Variants in GALNT10 observed in about 807,000 individuals in gnomAD.
GALNT10 encodes polypeptide N-acetylgalactosaminyltransferase 10.
In GALNT10, 41 loss-of-function variants were observed where a neutral mutation model predicts 75.0. The observed-to-expected ratio is 0.55, with a 90% confidence interval of 0.43 to 0.71. GALNT10 has a LOEUF of 0.71. GALNT10 is among the 30% of genes least tolerant of loss of function. The pLI is 0.00. For synonymous variants in GALNT10, 302 were observed against 313.0 expected, an observed-to-expected ratio of 0.96 and a Z score of 0.37; for missense variants, 727 against 818.5, an observed-to-expected ratio of 0.89 and a Z score of 1.36.
chr5:154,263,442 T>C (rs959286918), intron 1 of GALNT10, among the ~76,000 whole-genome samples: 1 of 152,148 alleles, frequency 6.6e-6, no homozygotes, highest in Non-Finnish European at 1.5e-5. Context: ...ATATCCAGAA[T>C]AGGCAAATCC....
intron 4 of GALNT10, among the ~76,000 whole-genome samples, chr5:154,341,131 T>C (rs558448240): frequency 1.3e-3 from 199 of 152,064 alleles, no homozygotes; most frequent in African/African-American, 4.6e-3. Flanking sequence ...TAACATCCCT[T>C]CCTCTCGTGT....
rs2113209255 is a variant in GALNT10, at chr5:154,402,115, G to A, written c.1057-1989G>A. 6.6e-6 allele frequency among the ~76,000 whole-genome samples: 1 copy of A among 152,274 alleles called. No homozygotes were observed. Among genetic ancestry groups the A allele is most frequent in the East Asian group, 1.9e-4 (1 of 5,166 alleles). On this transcript the variant is annotated intron_variant, in intron 7 of 11. Transcript: ENST00000297107. This position sits in a 1 kb window ranked among gnomAD's most constrained non-coding sequence, Gnocchi z 4.2. ...CCACCCCACTGGCAGAGTCATCTTT[G>A]TAAGATGTAAGTGGATTGTGTGTCT...
At chr5:154,309,133 T>C (rs1754475148) in intron 3 of GALNT10, among the ~76,000 whole-genome samples, 1 of 152,180 alleles carries the variant, frequency 6.6e-6, no homozygotes, top group Non-Finnish European at 1.5e-5. Flanking sequence ...TCAGATAAGA[T>C]GGCATATGAA....
intron 7 of GALNT10, chr5:154,389,698 T>G (rs963066167): frequency 6.6e-6 from 1 of 152,076 alleles, no homozygotes; most frequent in East Asian, 1.9e-4. Context: ...CAATAAATTC[T>G]AGTCCAACAT....
rs556215884 is a variant in GALNT10 at position 154,239,234 on chromosome 5, T to G, written c.159+48209T>G. 1.2e-3 allele frequency among the ~76,000 whole-genome samples: 177 copies of G among 152,356 alleles called. 1 individual carries two copies. The highest frequency in any genetic ancestry group is 6.8e-3 in the Middle Eastern group (2 of 294). ...TATAGTAGGGCTGGCTCAGGAGTCC[T>G]CTGCTGCCACTGAAGGAGGTTCTCT... On this transcript the variant is annotated intron_variant, in intron 1 of 11. Transcript: ENST00000297107.
intron 4 of GALNT10, among the ~76,000 whole-genome samples, chr5:154,359,949 G>A (rs781207720): frequency 2.0e-5 from 3 of 151,856 alleles, no homozygotes; most frequent in Non-Finnish European, 4.4e-5. Context: ...AAATTTTAAT[G>A]TGCATATTCT....
chr5:154,249,584 C>T (rs1753483508), intron 1 of GALNT10, among the ~76,000 whole-genome samples: 1 of 152,102 alleles, frequency 6.6e-6, no homozygotes, highest in African/African-American at 2.4e-5. Flanking sequence ...ACTTGTTTCC[C>T]TTTGTGGGTT....
chr5:154,266,979 G>A (rs1206859694), intron 1 of GALNT10, among the ~76,000 whole-genome samples: 1 of 152,108 alleles, frequency 6.6e-6, no homozygotes, highest in Non-Finnish European at 1.5e-5. Context: ...TAGGCTTTCA[G>A]TCCCCTGTAG....
intron 3 of GALNT10, among the ~76,000 whole-genome samples, chr5:154,311,388 T>G (rs1754515443): frequency 6.6e-6 from 1 of 152,234 alleles, no homozygotes; most frequent in Non-Finnish European, 1.5e-5. Flanking sequence ...ATTTTGTGGT[T>G]TAGCCTCTCT....
At chr5:154,290,620 T>C (rs1561651691) in intron 1 of GALNT10, among the ~76,000 whole-genome samples, 1 of 152,308 alleles carries the variant, frequency 6.6e-6, no homozygotes. Flanking sequence ...CTATACTGTT[T>C]GTGATTGTCT....
At chr5:154,329,832 C>T in intron 4 of GALNT10, 94 bp downstream of exon 4, 1 of 800,470 alleles carries the variant, frequency 1.2e-6, no homozygotes, top group Non-Finnish European at 2.0e-6. Flanking sequence ...GCAGCATCAA[C>T]ATATAGGCCA....
In GALNT10 at chr5:154,190,756, C is replaced by T; in HGVS notation, c.-111C>T. 2 of 367,656 alleles carry T rather than the reference C, an allele frequency of 5.4e-6. No homozygotes were observed. Among genetic ancestry groups the T allele is most frequent in the South Asian group, 1.0e-4 (1 of 10,038 alleles). 22.8% of individuals were successfully genotyped at this position (367,656 alleles called of 1,614,324 possible). A position where few individuals can be genotyped will look rare whatever the true frequency, so the allele number is the denominator to read the frequency against. On this transcript the variant is annotated 5_prime_UTR_variant, in exon 1 of 12. Transcript: ENST00000297107. ...CGGAGTTGGAGCGGGGCCGGCGCCG[C>T]AGCCGCTTCTGCTGGCTGAGCTGCT...
At chr5:154,254,359 T>C (rs1172569298) in intron 1 of GALNT10, among the ~76,000 whole-genome samples, 2 of 152,188 alleles carry the variant, frequency 1.3e-5, no homozygotes, top group Non-Finnish European at 2.9e-5. Flanking sequence ...CCAGTGCCTC[T>C]TACATATATA....
At chr5:154,231,077 T>C (rs1030769329) in intron 1 of GALNT10, among the ~76,000 whole-genome samples, 1 of 152,110 alleles carries the variant, frequency 6.6e-6, no homozygotes, top group African/African-American at 2.4e-5. Flanking sequence ...TCCTTATATA[T>C]AGATGAGAGA....
At chr5:154,249,569 C>G (rs551102256) in intron 1 of GALNT10, among the ~76,000 whole-genome samples, 1 of 152,098 alleles carries the variant, frequency 6.6e-6, no homozygotes, top group East Asian at 1.9e-4. Context: ...CAGCCCCCCC[C>G]AGTAACTTGT....
At chr5:154,257,680 A>G (rs933385315) in intron 1 of GALNT10, among the ~76,000 whole-genome samples, 2 of 152,084 alleles carry the variant, frequency 1.3e-5, no homozygotes, top group Non-Finnish European at 2.9e-5. Context: ...TTAAAAAAAA[A>G]AAAAAAGAGA....
chr5:154,404,694 T>TA (rs1380445416), intron 8 of GALNT10, among the ~76,000 whole-genome samples: 3 of 152,188 alleles, frequency 2.0e-5, no homozygotes, highest in Non-Finnish European at 4.4e-5. Context: ...AGAGGTGATG[T>TA]AAAAAAACAT....
At chr5:154,228,270 A>G (rs973835991) in intron 1 of GALNT10, among the ~76,000 whole-genome samples, 17 of 152,316 alleles carry the variant, frequency 1.1e-4, no homozygotes, top group African/African-American at 3.8e-4. Flanking sequence ...TAAAGTATGG[A>G]TCAAAGTTCT....
intron 4 of GALNT10, among the ~76,000 whole-genome samples, chr5:154,362,243 ATACCTGGGCATCGAG>A (rs1755401639): frequency 6.6e-6 from 1 of 152,160 alleles, no homozygotes; most frequent in Non-Finnish European, 1.5e-5. Flanking sequence ...AACAAATCGA[ATACCTGGGCATCGAG>A]CAGCTCATAC....
Sources: allele counts gnomAD v4.1 joint callset (sites outside exome capture counted in the v4.1 genomes callset), GRCh38; gene constraint gnomAD v4.1.1; non-coding constraint Gnocchi (gnomAD v3.1); transcripts MANE v1.5; gene names NCBI Gene and HGNC (gene_info 2026-07-23, HGNC 2026-07-21).